Variants in FYB1 observed in about 807,000 individuals in gnomAD.
FYB1 encodes FYN-binding protein 1.
FYB1 carries 41 observed loss-of-function variants against 94.1 expected under a neutral mutation model. The observed-to-expected ratio is 0.44, with a 90% CI of 0.34 to 0.57. The LOEUF (loss-of-function observed/expected upper bound fraction) is 0.57, where lower values mean the gene tolerates loss of function less well. Ranked by LOEUF, FYB1 falls within the 20% of genes least tolerant of loss-of-function variation. The pLI, the probability that FYB1 is intolerant of heterozygous loss-of-function variation, is 0.02. For missense variants in FYB1, 1,050 were observed against 976.8 expected, an observed-to-expected ratio of 1.07 and a Z score of -1.00; for synonymous variants, 367 against 353.2, an observed-to-expected ratio of 1.04 and a Z score of -0.44.
chr5:39,112,233 C>T (rs1580290413), intron 16 of FYB1, among the ~76,000 whole-genome samples: 1 of 151,954 alleles, frequency 6.6e-6, no homozygotes, highest in Non-Finnish European at 1.5e-5. Context: ...TAGTAATAGT[C>T]ATTGACTTCT....
At chr5:39,120,937 A>G (rs1339443994) in intron 14 of FYB1, among the ~76,000 whole-genome samples, 1 of 152,014 alleles carries the variant, frequency 6.6e-6, no homozygotes, top group African/African-American at 2.4e-5. Context: ...AATATACGTG[A>G]AAGTTAGAAA....
In FYB1 at chr5:39,125,878, T is replaced by TGCATTAAGATGATTTAAGTCTA. The variant is rs1740616254; in HGVS notation, c.2045+98_2045+119dup. 4.1e-6 allele frequency: 4 copies of TGCATTAAGATGATTTAAGTCTA among 980,822 alleles called. No homozygotes were observed. In the African/African-American group the frequency reaches 4.9e-5, roughly 12 times the overall value. The allele number at this position is 980,822 out of a possible 1,614,324, so 60.8% of individuals were successfully genotyped here. On this transcript the variant is annotated intron_variant, in intron 12 of 18. Transcript: ENST00000512982. ...GGGGCTAAGATGATTAACGGAAAAT[T>TGCATTAAGATGATTTAAGTCTA]GCATTAAGATGATTTAAGTCTATCA...
chr5:39,266,902 G>T (rs1301826537), intron 1 of FYB1, among the ~76,000 whole-genome samples: 1 of 152,112 alleles, frequency 6.6e-6, no homozygotes, highest in African/African-American at 2.4e-5. Flanking sequence ...ACCCCTAAAG[G>T]CCAGTCCTGG....
intron 1 of FYB1, among the ~76,000 whole-genome samples, chr5:39,231,214 T>C (rs1055015552): frequency 1.7e-4 from 25 of 151,010 alleles, no homozygotes; most frequent in Admixed American, 4.6e-4. Context: ...TCAGCTGCTG[T>C]TGCCCTGGGA....
chr5:39,237,266 A>C (rs938092291), intron 1 of FYB1, among the ~76,000 whole-genome samples: 6 of 152,120 alleles, frequency 3.9e-5, no homozygotes, highest in Non-Finnish European at 8.8e-5. Flanking sequence ...AGTTAGGGGG[A>C]TGTTACAATA....
At chr5:39,211,470 C>T (rs909648855) in intron 1 of FYB1, among the ~76,000 whole-genome samples, 5 of 151,972 alleles carry the variant, frequency 3.3e-5, no homozygotes, top group African/African-American at 2.4e-5. Flanking sequence ...TACAGGCGCC[C>T]GCCACCACGC....
intron 1 of FYB1, 88 bp downstream of exon 1, chr5:39,219,355 T>G: frequency 3.7e-6 from 3 of 813,114 alleles, no homozygotes; most frequent in Non-Finnish European, 4.5e-6. Context: ...GCACAGTCTG[T>G]GCTGCCAGAA....
At chr5:39,240,568 A>C (rs951860286) in intron 1 of FYB1, among the ~76,000 whole-genome samples, 2 of 152,248 alleles carry the variant, frequency 1.3e-5, no homozygotes, top group Non-Finnish European at 2.9e-5. Context: ...GCATATGAAA[A>C]AATGCTCAAC....
At position 39,245,258 on chromosome 5, in the gene FYB1, G is replaced by A. The variant is rs76216715; in HGVS notation, c.-28+29145C>T. On this transcript the variant is annotated intron_variant, in intron 1 of 1. Transcript: ENST00000510188. ...TTTCCTAATGCAAAATGAGATATAG[G>A]GTCAAAATACCTATAAATCTCTGGA... Among the ~76,000 whole-genome samples the A allele has an allele frequency of 6.5e-3, 990 of 152,128 alleles. 14 individuals carry two copies. Among genetic ancestry groups the A allele is most frequent in the African/African-American group, 0.023 (939 of 41,504 alleles).
intron 1 of FYB1, among the ~76,000 whole-genome samples, chr5:39,231,458 C>G (rs982659605): frequency 3.3e-5 from 5 of 152,008 alleles, no homozygotes; most frequent in Non-Finnish European, 5.9e-5. Context: ...CTCAAGAAAC[C>G]CAAGGCTATT....
At chr5:39,123,836 C>T (rs1261363664) in intron 13 of FYB1, among the ~76,000 whole-genome samples, 9 of 152,048 alleles carry the variant, frequency 5.9e-5, no homozygotes, top group African/African-American at 1.4e-4. Context: ...TTTCCAAATA[C>T]AATATAAACT....
chr5:39,199,630 T>C (rs1199832325), intron 2 of FYB1, among the ~76,000 whole-genome samples: 1 of 152,160 alleles, frequency 6.6e-6, no homozygotes, highest in African/African-American at 2.4e-5. Flanking sequence ...AATATTCTAC[T>C]TCATGAGTAA....
chr5:39,225,377 A>G (rs1470633041), intron 1 of FYB1, among the ~76,000 whole-genome samples: 2 of 152,188 alleles, frequency 1.3e-5, no homozygotes, highest in Non-Finnish European at 2.9e-5. Context: ...ACCAATTAGA[A>G]TGGCCAACTA....
intron 2 of FYB1, among the ~76,000 whole-genome samples, chr5:39,159,941 C>G (rs937635212): frequency 2.0e-5 from 3 of 152,172 alleles, no homozygotes; most frequent in African/African-American, 7.2e-5. Context: ...ACAACAGTAT[C>G]CTTTTTTAAC....
intron 1 of FYB1, among the ~76,000 whole-genome samples, chr5:39,230,559 T>C (rs1047399760): frequency 6.6e-5 from 10 of 151,350 alleles, no homozygotes; most frequent in Non-Finnish European, 1.3e-4. Context: ...TATGTGTATA[T>C]ATATTTCTGT....
At chr5:39,170,112 T>C (rs1745110732) in intron 2 of FYB1, 2 of 826,856 alleles carry the variant, frequency 2.4e-6, no homozygotes, top group Non-Finnish European at 4.2e-6. Context: ...CTTTTTGATT[T>C]CAAATGTTAT....
intron 2 of FYB1, among the ~76,000 whole-genome samples, chr5:39,192,235 A>G (rs1747432137): frequency 6.6e-6 from 1 of 152,178 alleles, no homozygotes; most frequent in Non-Finnish European, 1.5e-5. Flanking sequence ...TTTATTTTTA[A>G]TTATTATACT....
chr5:39,254,360 AT>A (rs1751850692), intron 1 of FYB1, among the ~76,000 whole-genome samples: 1 of 152,084 alleles, frequency 6.6e-6, no homozygotes, highest in Non-Finnish European at 1.5e-5. Flanking sequence ...AGCATCTGTT[AT>A]TTTTTGACTT....
chr5:39,124,421 C>G (rs1740433536), intron 12 of FYB1, 143 bp from the exon 13 acceptor site: 1 of 506,316 alleles, frequency 2.0e-6, no homozygotes, highest in African/African-American at 2.0e-5. Context: ...CTTTCTCATC[C>G]TCCATTTCTC....
Sources: gnomAD v4.1 joint callset for allele counts (sites outside exome capture counted in the v4.1 genomes callset) on GRCh38, gnomAD v4.1.1 for gene constraint, MANE v1.5 for transcripts, NCBI Gene and HGNC (gene_info 2026-07-23, HGNC 2026-07-21) for gene names.